The following ASPM variants were observed in gnomAD, a reference collection of about 807,000 sequenced individuals.
The protein encoded by ASPM is assembly factor for spindle microtubules, also known as abnormal spindle-like microcephaly-associated protein.
Under a neutral mutation model 366.4 loss-of-function variants are expected in ASPM, and 256 were observed. The observed-to-expected ratio is 0.70, with a 90% confidence interval of 0.63 to 0.77. ASPM has a LOEUF of 0.77. Ranked by LOEUF, ASPM falls within the 30% of genes least tolerant of loss-of-function variation. ASPM has a pLI of 0.00. For synonymous variants in ASPM, 1,414 were observed against 1,342.9 expected, an observed-to-expected ratio of 1.05 and a Z score of -1.16; for missense variants, 4,146 against 4,090.4, an observed-to-expected ratio of 1.01 and a Z score of -0.37.
chr1:197,093,111 A>G lies in ASPM; in HGVS notation c.9235T>C (p.Phe3079Leu). ...TGTAGGATAACTGTAGATTTTTTAAATTCAATATATTTTATCCTTTCATGC... is the reference window on the plus strand; with the variant it reads ...TGTAGGATAACTGTAGATTTTTTAAGTTCAATATATTTTATCCTTTCATGC... ...GKHERIKYIE[F>L]KKSTVILQAL... The change falls in exon 21 of 28, where the codon TTT becomes CTT. Residue 3079 changes from phenylalanine to leucine, a missense_variant. Physicochemically the swap from Phe to Leu is conservative, Grantham distance 22. Transcript: ENST00000367409. 6.2e-7 allele frequency: 1 copy of G among 1,612,342 alleles called. No homozygotes were observed. The highest frequency in any genetic ancestry group is 8.5e-7 in the Non-Finnish European group (1 of 1,178,886).
intron 4 of ASPM, among the ~76,000 whole-genome samples, chr1:197,135,830 G>A (rs1263591559): frequency 6.6e-6 from 1 of 151,946 alleles, no homozygotes; most frequent in Non-Finnish European, 1.5e-5. Context: ...GCACATGCCT[G>A]TAGCCCCAGC....
At position 197,104,205 on chromosome 1, in the gene ASPM, T is replaced by C. The variant is rs767028622; in HGVS notation, c.5046A>G (p.Thr1682=). 6.2e-7 allele frequency: 1 copy of C among 1,612,604 alleles called. No individual in the cohort carries two copies. The change falls in exon 18 of 28, where the codon ACA becomes ACG. Residue 1682 remains threonine, a synonymous_variant. Transcript: ENST00000367409. ...TCTTAACAGTTGACTGCAATTTTAT[T>C]GTAGCATTTTTTAGGCTCAAAAATT... ...KKEFLSLKNA[T]IKLQSTVKMK...
intron 13 of ASPM, among the ~76,000 whole-genome samples, chr1:197,123,707 T>C (rs1268879091): frequency 6.6e-6 from 1 of 152,170 alleles, no homozygotes; most frequent in African/African-American, 2.4e-5. Flanking sequence ...AGAAATACAG[T>C]GTTAACCTAA....
Position 197,146,501 on chromosome 1 carries a change from G to A in ASPM, c.-64C>T. 6.4e-7 allele frequency: 1 copy of A among 1,572,274 alleles called. No individual in the cohort carries two copies. Among genetic ancestry groups the A allele is most frequent in the South Asian group, 1.1e-5 (1 of 89,616 alleles). The stretch of plus-strand genomic sequence containing the variant: ...TCCCACGAGGCGGCTCCGGAGCGGG[G>A]ATCCGGGACTTACGCTGACCGCTTC... On this transcript the variant is annotated 5_prime_UTR_variant, in exon 1 of 28. Coordinates refer to ENST00000367409, the MANE Select transcript of ASPM (RefSeq NM_018136.5).
At chr1:197,118,091 T>G (rs951697605) in intron 16 of ASPM, 108 bp from the exon 17 acceptor site, 57 of 1,040,574 alleles carry the variant, frequency 5.5e-5, no homozygotes, top group Middle Eastern at 3.0e-4. Flanking sequence ...ATACTGGAAA[T>G]AAAACACCCC....
In ASPM at chr1:197,142,873, T is replaced by G; in HGVS notation, c.1379A>C (p.Asn460Thr). The G allele has an allele frequency of 6.2e-7, 1 of 1,613,360 alleles. No individual in the cohort carries two copies. Among genetic ancestry groups the G allele is most frequent in the Non-Finnish European group, 8.5e-7 (1 of 1,179,364 alleles). The change falls in exon 3 of 28, where the codon AAT becomes ACT. Residue 460 changes from asparagine (N) to threonine (T), a missense_variant. Transcript: ENST00000367409. Reference sequence around the variant, plus strand: ...ATTTTGTTTTATAAAACTGTAGTAATTTGACTTCATTTCTACTAGTTCTTC... The same window carrying G: ...ATTTTGTTTTATAAAACTGTAGTAAGTTGACTTCATTTCTACTAGTTCTTC... ...IFEELVEMKS[N>T]YYSFIKQNNP...
chr1:197,142,289 C>T (rs1364937930), intron 3 of ASPM, 42 bp downstream of exon 3: 5 of 1,586,602 alleles, frequency 3.2e-6, no homozygotes, highest in Non-Finnish European at 4.3e-6. Context: ...GAAGTATCCC[C>T]TTTACAGGTA....
rs558318264 is a variant in ASPM, at chr1:197,140,926, T to A, written c.1922-1055A>T. On this transcript the variant is annotated intron_variant, in intron 3 of 27. Coordinates refer to ENST00000367409, the MANE Select transcript of ASPM (RefSeq NM_018136.5). ...AGAATAACAGGCTGATTCCCAAATA[T>A]GTAACCAAGATGGTTGATATAATGC... Among the ~76,000 whole-genome samples the A allele has an allele frequency of 3.9e-5, 6 of 152,258 alleles. 1 individual carries two copies. Among genetic ancestry groups the A allele is most frequent in the African/African-American group, 1.4e-4 (6 of 41,560 alleles).
intron 19 of ASPM, 118 bp from the exon 20 acceptor site, chr1:197,094,298 G>A: frequency 1.5e-6 from 1 of 663,706 alleles, no homozygotes; most frequent in Non-Finnish European, 2.6e-6. Context: ...GGCAATGACA[G>A]AATTTTAAAA....
Position 197,104,743 on chromosome 1 carries a change from G to C in ASPM, c.4508C>G (p.Ala1503Gly), listed in dbSNP as rs757061666. Residue 1503 changes from alanine to glycine, a missense_variant, in exon 18 of 28, where the codon GCC (alanine) becomes GGC (glycine). Physicochemically the swap from Ala to Gly is moderately conservative, Grantham distance 60. Around this residue, in one of 3 missense-constraint regions of ASPM, gnomAD observed 3,624 missense variants for 3,591.7 expected, o/e 1.01. Transcript: ENST00000367409. ...TTTTCTTCTTTTATATAACTTTTGG[G>C]CTTGAAAGCACCGAAATCTTTTCTG... The part of the protein sequence containing the change: ...IIQKRFRCFQ[A>G]QKLYKRRKES... 6.2e-7 allele frequency: 1 copy of C among 1,603,908 alleles called. No homozygotes were observed. Among genetic ancestry groups the C allele is most frequent in the South Asian group, 1.1e-5 (1 of 88,358 alleles).
At position 197,132,292 on chromosome 1, in the gene ASPM, C is replaced by A; in HGVS notation, c.2480G>T (p.Gly827Val). 1 of 1,612,308 alleles carries A rather than the reference C, an allele frequency of 6.2e-7. No homozygotes were observed. The highest frequency in any genetic ancestry group is 8.5e-7 in the Non-Finnish European group (1 of 1,178,908). Residue 827 changes from glycine (G) to valine (V), a missense_variant, in exon 7 of 28, where the codon GGT (glycine) becomes GTT (valine). Physicochemically the swap from Gly to Val is moderately radical, Grantham distance 109 (BLOSUM62 -3). Around this residue, in one of 3 missense-constraint regions of ASPM, gnomAD observed 3,624 missense variants for 3,591.7 expected, o/e 1.01. Coordinates refer to ENST00000367409, the MANE Select transcript of ASPM (RefSeq NM_018136.5). ...LSYNPLWLRIGLETTYGELIS... is the reference protein window; with the variant it reads ...LSYNPLWLRIVLETTYGELIS... ...CCTGAAATATATGCTTACCTCTAGA[C>A]CAATTCGAAGCCACAAAGGATTGTA...
At position 197,117,834 on chromosome 1, in the gene ASPM, C is replaced by G. The variant is rs768637906; in HGVS notation, c.4020G>C (p.Lys1340Asn). Residue 1340 changes from lysine to asparagine, a missense_variant, in exon 17 of 28, where the codon AAG becomes AAC. Around this residue, in one of 3 missense-constraint regions of ASPM, gnomAD observed 3,624 missense variants for 3,591.7 expected, o/e 1.01. Transcript: ENST00000367409. Reference sequence around the variant, plus strand: ...TATTTTGAACTTTTTCCAGCTTTTCCTTTTTTAACATTAATAATTTTCTCT... The same window carrying G: ...TATTTTGAACTTTTTCCAGCTTTTCGTTTTTTAACATTAATAATTTTCTCT... ...LAQRKLLMLK[K>N]EKLEKVQNKA... 4.3e-6 allele frequency: 7 copies of G among 1,612,702 alleles called. No individual in the cohort carries two copies. Among genetic ancestry groups the G allele is most frequent in the Non-Finnish European group, 5.9e-6 (7 of 1,179,430 alleles).
At chr1:197,089,493 A>C (rs1409412121) in intron 25 of ASPM, among the ~76,000 whole-genome samples, 3 of 152,088 alleles carry the variant, frequency 2.0e-5, no homozygotes, top group Admixed American at 1.3e-4. Flanking sequence ...AAAGGCAGAC[A>C]GAAATGAATC....
intron 17 of ASPM, among the ~76,000 whole-genome samples, chr1:197,116,758 A>G (rs1657748852): frequency 6.6e-6 from 1 of 152,180 alleles, no homozygotes; most frequent in South Asian, 2.1e-4. Context: ...AACCACGGCT[A>G]TACTCAACGC....
At chr1:197,092,874 G>GA (rs1438465726) in intron 21 of ASPM, among the ~76,000 whole-genome samples, 178 bp downstream of exon 21, 2 of 151,622 alleles carry the variant, frequency 1.3e-5, no homozygotes, top group Non-Finnish European at 2.9e-5. Flanking sequence ...TAGGTTCAGA[G>GA]AAAAAAAATT....
chr1:197,112,441 T>C (rs374567063), intron 17 of ASPM, among the ~76,000 whole-genome samples: 16 of 152,086 alleles, frequency 1.1e-4, no homozygotes, highest in African/African-American at 3.9e-4. Flanking sequence ...CAAAATAATC[T>C]GTACAACAAA....
rs749981819 is a variant in ASPM, at chr1:197,142,686, G to T, written c.1566C>A (p.Asn522Lys). 1 of 1,613,746 alleles carries T rather than the reference G, an allele frequency of 6.2e-7. No homozygotes were observed. Among genetic ancestry groups the T allele is most frequent in the Non-Finnish European group, 8.5e-7 (1 of 1,179,792 alleles). Reference protein sequence around the residue: ...INKPKAKRCLNSAVGEHEKVI... With the variant: ...INKPKAKRCLKSAVGEHEKVI... The stretch of plus-strand genomic sequence containing the variant: ...CTTTTTCATGTTCACCCACTGCACT[G>T]TTGAGACATCTTTTTGCTTTTGGTT... Residue 522 changes from asparagine (N) to lysine (K), a missense_variant, in exon 3 of 28, where the codon AAC becomes AAA. Coordinates refer to ENST00000367409, the MANE Select transcript of ASPM (RefSeq NM_018136.5).
Position 197,084,371 on chromosome 1 carries a change from G to T in ASPM, c.10387C>A (p.Leu3463Met). The change falls in exon 28 of 28, where the codon CTG becomes ATG. Residue 3463 changes from leucine (L) to methionine (M), a missense_variant. Leu to Met is a conservative substitution (Grantham distance 15). Transcript: ENST00000367409. Reference protein sequence around the residue: ...RDNMEEITNPLQAIQMVMDTL... With the variant: ...RDNMEEITNPMQAIQMVMDTL... ...TCCATCACCATTTGAATAGCTTGCA[G>T]GGGATTTGTGATTTCTTCCATGTTA... 6.2e-7 allele frequency: 1 copy of T among 1,612,944 alleles called. No individual in the cohort carries two copies.
At chr1:197,133,783 AGCCACTTTTCACC>A in intron 5 of ASPM, among the ~76,000 whole-genome samples, 188 bp from the exon 6 acceptor site, 1 of 152,192 alleles carries the variant, frequency 6.6e-6, no homozygotes, top group East Asian at 1.9e-4. Context: ...TTCCAAGTCT[AGCCACTTTTCACC>A]GCCTCTACTA....
Sources: allele counts gnomAD v4.1 joint callset (sites outside exome capture counted in the v4.1 genomes callset), GRCh38; gene constraint gnomAD v4.1.1; regional missense constraint gnomAD v4.1.1; transcripts MANE v1.5; gene names NCBI Gene and HGNC (gene_info 2026-07-23, HGNC 2026-07-21).